The following SULT1C2 variants were observed in gnomAD, a reference collection of about 807,000 sequenced individuals.
The protein encoded by SULT1C2 is sulfotransferase family 1C member 2.
A neutral mutation model predicts 36.0 loss-of-function variants in SULT1C2; 27 were observed. That is an observed-to-expected ratio of 0.75 (90% CI 0.55 to 1.03). The LOEUF is 1.03. SULT1C2 is among the 50% of genes least tolerant of loss of function. SULT1C2 has a pLI of 0.00. For missense variants in SULT1C2, 395 were observed against 359.2 expected (o/e 1.10, Z -0.80); for synonymous variants, 121 against 116.0 (o/e 1.04, Z -0.27).
chr2:108,301,111 T>C (rs1335561159), intron 4 of SULT1C2, 176 bp downstream of exon 4: 2 of 774,720 alleles, frequency 2.6e-6, no homozygotes, highest in Non-Finnish European at 4.0e-6. Context: ...CTGAACAGTT[T>C]CAAATAGGAC....
Position 108,305,557 on chromosome 2 carries a change from C to G in SULT1C2, c.740C>G (p.Ser247Cys). Residue 247 changes from serine to cysteine, a missense_variant, in exon 7 of 8, where the codon TCT becomes TGT. Coordinates refer to ENST00000251481, the MANE Select transcript of SULT1C2 (RefSeq NM_001056.4). ...PMTNRSTVSK[S>C]ILDQSISSFM... ...ACAAATCGTTCTACAGTTTCCAAAT[C>G]TATCTTGGACCAGTCAATTTCCTCC... The G allele has an allele frequency of 1.2e-6, 2 of 1,614,202 alleles. No individual in the cohort carries two copies. Among genetic ancestry groups the G allele is most frequent in the Non-Finnish European group, 8.5e-7 (1 of 1,180,020 alleles).
chr2:108,298,622 T>C (rs1573249087), intron 3 of SULT1C2: 1 of 352,502 alleles, frequency 2.8e-6, no homozygotes. Flanking sequence ...GCTCAAGCAA[T>C]CCACCTGCCT....
rs867745735 is a variant in SULT1C2 at position 108,293,803 on chromosome 2, A to C, written c.136A>C (p.Thr46Pro). 1.2e-6 allele frequency: 2 copies of C among 1,613,906 alleles called. No individual in the cohort carries two copies. The highest frequency in any genetic ancestry group is 1.3e-5 in the African/African-American group (1 of 75,000). ...EAKPDDLLIC[T>P]YPKAGTTWIQ... ...CAAACCAGATGATCTCCTCATCTGC[A>C]CCTACCCTAAAGCAGGTGATTGCAG... Residue 46 changes from threonine to proline, a missense_variant, in exon 2 of 8, where the codon ACC (threonine) becomes CCC (proline). By Grantham distance (38) the Thr-to-Pro change is conservative. Coordinates refer to ENST00000251481, the MANE Select transcript of SULT1C2 (RefSeq NM_001056.4).
chr2:108,305,530 T>A lies in SULT1C2; in HGVS notation c.713T>A (p.Met238Lys). The A allele has an allele frequency of 4.3e-6, 7 of 1,614,146 alleles. No homozygotes were observed. The highest frequency in any genetic ancestry group is 5.9e-6 in the Non-Finnish European group (7 of 1,180,020). ...TSFEKMKENPMTNRSTVSKSI... is the reference protein window; with the variant it reads ...TSFEKMKENPKTNRSTVSKSI... ...TTTGAGAAAATGAAAGAAAATCCCA[T>A]GACAAATCGTTCTACAGTTTCCAAA... Residue 238 changes from methionine (M) to lysine (K), a missense_variant, in exon 7 of 8, where the codon ATG becomes AAG. Coordinates refer to ENST00000251481, the MANE Select transcript of SULT1C2 (RefSeq NM_001056.4).
intron 4 of SULT1C2, chr2:108,301,860 G>A (rs1573252180): frequency 6.6e-6 from 1 of 152,370 alleles, no homozygotes; most frequent in East Asian, 1.9e-4. Context: ...CTTCCTTAAA[G>A]GCAGGAATGA....
intron 2 of SULT1C2, 115 bp from the exon 3 acceptor site, chr2:108,294,114 C>G (rs1223399806): frequency 2.6e-5 from 40 of 1,520,598 alleles, no homozygotes; most frequent in Non-Finnish European, 3.4e-5. Flanking sequence ...GATTCTGACC[C>G]AAGGGGAGGG....
intron 1 of SULT1C2, among the ~76,000 whole-genome samples, chr2:108,290,578 A>C (rs2104409769): frequency 6.6e-6 from 1 of 152,336 alleles, no homozygotes; most frequent in East Asian, 1.9e-4. Context: ...GTCCAAGAGC[A>C]TGGTGCTGGC....
chr2:108,289,487 G>T (rs1416667240), intron 1 of SULT1C2, among the ~76,000 whole-genome samples: 1 of 152,174 alleles, frequency 6.6e-6, no homozygotes, highest in African/African-American at 2.4e-5. Context: ...TGCTCCAAGG[G>T]TCCAGACTTA....
chr2:108,300,720 G>C (rs1025439450), intron 3 of SULT1C2, 118 bp from the exon 4 acceptor site: 13 of 1,453,962 alleles, frequency 8.9e-6, no homozygotes, highest in Non-Finnish European at 1.1e-5. Context: ...CCAAAAGAAA[G>C]TCAAGAGACT....
rs1677097636 is a variant in SULT1C2, at chr2:108,309,247, G to A, written c.*783G>A. 6.6e-6 allele frequency: 1 copy of A among 152,192 alleles called. No homozygotes were observed. Among genetic ancestry groups the A allele is most frequent in the African/African-American group, 2.4e-5 (1 of 41,450 alleles). 9.4% of individuals were successfully genotyped at this position (152,192 alleles called of 1,614,324 possible). Reference sequence around the variant, plus strand: ...TTTTGGGAAGCCCTAAACCAAGTGAGGTGTTCTTTTCCCTTGCTTCCCATA... The same window carrying A: ...TTTTGGGAAGCCCTAAACCAAGTGAAGTGTTCTTTTCCCTTGCTTCCCATA... On this transcript the variant is annotated 3_prime_UTR_variant, in exon 8 of 8. Coordinates refer to ENST00000251481, the MANE Select transcript of SULT1C2 (RefSeq NM_001056.4).
chr2:108,303,556 A>C (rs1183691228), intron 4 of SULT1C2: 1 of 152,244 alleles, frequency 6.6e-6, no homozygotes. Context: ...TAAAAGCCCA[A>C]CAGTGGAAGT....
chr2:108,309,539 G>A lies in SULT1C2; in HGVS notation c.*1075G>A, dbSNP rs149553696. ...TAGTGGCATTCCATAGCTGAGGGTA[G>A]TAGGAGCAGTTCACCCTGGGAGCAG... On this transcript the variant is annotated 3_prime_UTR_variant, in exon 8 of 8. Transcript: ENST00000251481. 11 of 152,288 alleles carry A rather than the reference G, an allele frequency of 7.2e-5. No individual in the cohort carries two copies. The East Asian group carries it at 2.1e-3, about 29-fold the overall frequency. 9.4% of individuals were successfully genotyped at this position (152,288 alleles called of 1,614,324 possible).
intron 4 of SULT1C2, chr2:108,303,875 T>C (rs1676950680): frequency 6.6e-6 from 1 of 152,028 alleles, no homozygotes; most frequent in South Asian, 2.1e-4. Flanking sequence ...CATCCCCAAT[T>C]GAGAACCACT....
Position 108,304,810 on chromosome 2 carries a change from C to T in SULT1C2, c.502+110C>T, listed in dbSNP as rs17036095. 834 of 1,438,976 alleles carry T rather than the reference C, an allele frequency of 5.8e-4. 4 individuals carry two copies. In the African/African-American group the frequency reaches 0.011, roughly 19 times the overall value. 89.1% of individuals were successfully genotyped at this position (1,438,976 alleles called of 1,614,324 possible). On this transcript the variant is annotated intron_variant, in intron 5 of 7. Transcript: ENST00000251481. ...AATGCCTGTACTTCATCAGGTGTGTCCTACCACAGACTGGGACTGGGCAGA... is the reference window on the plus strand; with the variant it reads ...AATGCCTGTACTTCATCAGGTGTGTTCTACCACAGACTGGGACTGGGCAGA...
At chr2:108,306,814 G>C (rs1313790762) in intron 7 of SULT1C2, among the ~76,000 whole-genome samples, 1 of 151,978 alleles carries the variant, frequency 6.6e-6, no homozygotes, top group Non-Finnish European at 1.5e-5. Flanking sequence ...GCTCATGCAG[G>C]AGAATCACTT....
At chr2:108,295,473 G>A (rs1356383102) in intron 3 of SULT1C2, among the ~76,000 whole-genome samples, 2 of 152,196 alleles carry the variant, frequency 1.3e-5, no homozygotes, top group Non-Finnish European at 2.9e-5. Flanking sequence ...TCCTTGAGCA[G>A]CAGGATGGTA....
chr2:108,289,674 G>A (rs1676543120), intron 1 of SULT1C2, among the ~76,000 whole-genome samples: 1 of 152,202 alleles, frequency 6.6e-6, no homozygotes, highest in Admixed American at 6.5e-5. Context: ...TGCTCAAGGG[G>A]AAATGTATGT....
Position 108,305,184 on chromosome 2 carries a change from C to T in SULT1C2, c.515C>T (p.Ser172Phe). The T allele has an allele frequency of 1.2e-6, 2 of 1,614,052 alleles. No individual in the cohort carries two copies. Among genetic ancestry groups the T allele is most frequent in the Admixed American group, 1.7e-5 (1 of 60,020 alleles). Reference protein sequence around the residue: ...TFINGKVVWGSWFDHVKGWWE... With the variant: ...TFINGKVVWGFWFDHVKGWWE... Reference sequence around the variant, plus strand: ...GTGTCTATTTCAGTGGTTTGGGGTTCCTGGTTTGACCACGTGAAAGGATGG... The same window carrying T: ...GTGTCTATTTCAGTGGTTTGGGGTTTCTGGTTTGACCACGTGAAAGGATGG... Residue 172 changes from serine (S) to phenylalanine (F), a missense_variant, in exon 6 of 8, where the codon TCC (serine) becomes TTC (phenylalanine). Transcript: ENST00000251481.
At chr2:108,301,577 T>G (rs2104420529) in intron 4 of SULT1C2, 1 of 150,500 alleles carries the variant, frequency 6.6e-6, no homozygotes, top group Non-Finnish European at 1.5e-5. Flanking sequence ...CGAGACTCCA[T>G]CTCAAAAAAA....
Sources: gnomAD v4.1 joint callset for allele counts (sites outside exome capture counted in the v4.1 genomes callset) on GRCh38, gnomAD v4.1.1 for gene constraint, MANE v1.5 for transcripts, NCBI Gene and HGNC (gene_info 2026-07-23, HGNC 2026-07-21) for gene names.